PAMR1: variants seen among roughly 807,000 people sequenced by gnomAD.
PAMR1 encodes the protein inactive serine protease PAMR1.
In PAMR1, 88 loss-of-function variants were observed where a neutral mutation model predicts 81.8. The observed-to-expected ratio is 1.08, with a 90% CI of 0.91 to 1.28. The LOEUF is 1.28. PAMR1 is among the 50% of genes most tolerant of loss of function. PAMR1 has a pLI of 0.00. For missense variants in PAMR1, 935 were observed against 919.7 expected (o/e 1.02, Z -0.21); for synonymous variants, 336 against 345.3 (o/e 0.97, Z 0.30).
chr11:35,501,212 CCT>C (rs573508502), intron 1 of PAMR1, among the ~76,000 whole-genome samples: 72 of 150,990 alleles, frequency 4.8e-4, no homozygotes, highest in Non-Finnish European at 6.5e-4. Flanking sequence ...CTCAATGCAA[CCT>C]CTGTTTCCCA....
At chr11:35,446,315 A>AT (rs1475289726) in intron 6 of PAMR1, among the ~76,000 whole-genome samples, 2 of 152,020 alleles carry the variant, frequency 1.3e-5, no homozygotes, top group Non-Finnish European at 2.9e-5. Flanking sequence ...TTTTGGAAAG[A>AT]TTTTTTGTGT....
chr11:35,526,395 C>A (rs1011897240), upstream of PAMR1, among the ~76,000 whole-genome samples: 1 of 152,196 alleles, frequency 6.6e-6, no homozygotes, highest in African/African-American at 2.4e-5. Flanking sequence ...ACACAAGAAC[C>A]CTCACTGCCT....
At chr11:35,434,884 A>G in intron 9 of PAMR1, 80 bp from the exon 10 acceptor site, 1 of 1,397,658 alleles carries the variant, frequency 7.2e-7, no homozygotes, top group Admixed American at 1.8e-5. Context: ...ACCAGAGAGC[A>G]CAAATCTGGA....
chr11:35,505,859 T>C (rs551483984), intron 1 of PAMR1, among the ~76,000 whole-genome samples: 1 of 152,192 alleles, frequency 6.6e-6, no homozygotes, highest in East Asian at 1.9e-4. Context: ...TTTAGAGTTG[T>C]TATTGATAAG....
At chr11:35,477,026 C>A (rs904687883) in intron 3 of PAMR1, among the ~76,000 whole-genome samples, 1 of 152,138 alleles carries the variant, frequency 6.6e-6, no homozygotes, top group African/African-American at 2.4e-5. Context: ...AAGACTTCAT[C>A]TAAAAACATA....
chr11:35,528,745 C>T (rs896879384), upstream of PAMR1, among the ~76,000 whole-genome samples: 3 of 152,202 alleles, frequency 2.0e-5, no homozygotes, highest in African/African-American at 7.2e-5. Context: ...CAGGTCTTTA[C>T]TTCTCTAGGT....
In PAMR1 at chr11:35,492,540, A is replaced by C. The variant is rs566456824; in HGVS notation, c.251-367T>G. ...TTAGACCAGTAAAAAGAATTAAATA[A>C]AAAATATCTAAAACCCCATCACCCA... is the stretch of plus-strand genomic sequence containing the variant. On this transcript the variant is annotated intron_variant, in intron 2 of 10. Coordinates refer to ENST00000619888, the MANE Select transcript of PAMR1 (RefSeq NM_001001991.3). Among the ~76,000 whole-genome samples, 13 of 152,362 alleles carry C rather than the reference A, an allele frequency of 8.5e-5. No individual in the cohort carries two copies. In the East Asian group the frequency reaches 2.3e-3, roughly 27 times the overall value.
chr11:35,509,787 A>C (rs1851039469), intron 1 of PAMR1, among the ~76,000 whole-genome samples: 1 of 152,220 alleles, frequency 6.6e-6, no homozygotes, highest in African/African-American at 2.4e-5. Flanking sequence ...GGAGAGGGGC[A>C]GTGAACAAGC....
At chr11:35,529,391 T>C (rs1851433616), upstream of PAMR1, among the ~76,000 whole-genome samples, 1 of 152,168 alleles carries the variant, frequency 6.6e-6, no homozygotes, top group South Asian at 2.1e-4. Context: ...AATCATTGAG[T>C]CTAGGCTATA....
Position 35,436,305 on chromosome 11 carries a change from G to A in PAMR1, c.1101-170C>T, listed in dbSNP as rs994282551. Reference sequence around the variant, plus strand: ...TCTGTCTGTCTGCCTTTTGAGGCAGGGTCTCCCTCTGTCCCTCACTCCAGG... The same window carrying A: ...TCTGTCTGTCTGCCTTTTGAGGCAGAGTCTCCCTCTGTCCCTCACTCCAGG... On this transcript the variant is annotated intron_variant, in intron 8 of 10. Coordinates refer to ENST00000619888, the MANE Select transcript of PAMR1 (RefSeq NM_001001991.3). 1.1e-4 allele frequency: 68 copies of A among 591,612 alleles called. 3 individuals carry two copies. The highest frequency in any genetic ancestry group is 7.3e-4 in the South Asian group (36 of 49,160). 36.6% of individuals were successfully genotyped at this position (591,612 alleles called of 1,614,324 possible). A position where few individuals can be genotyped will look rare whatever the true frequency, so the allele number is the denominator to read the frequency against.
intron 2 of PAMR1, among the ~76,000 whole-genome samples, chr11:35,492,881 C>A (rs371617461): frequency 1.1e-3 from 167 of 152,286 alleles, no homozygotes; most frequent in African/African-American, 3.7e-3. Context: ...AGAAAAAGTA[C>A]AAATGATTCA....
rs190544066 is a variant in PAMR1 at position 35,476,899 on chromosome 11, C to T, written c.380-2155G>A. Among the ~76,000 whole-genome samples, 81 of 152,058 alleles carry T rather than the reference C, an allele frequency of 5.3e-4. 2 individuals are homozygous for T. Among genetic ancestry groups the T allele is most frequent in the Non-Finnish European group, 4.1e-4 (28 of 67,996 alleles). On this transcript the variant is annotated intron_variant, in intron 3 of 10. Coordinates refer to ENST00000619888, the MANE Select transcript of PAMR1 (RefSeq NM_001001991.3). ...ACAGCCTACTTTCTGTGCCCAACTC[C>T]GGCCCTTGTACTTGCTGTTTTCTAA... is the stretch of plus-strand genomic sequence containing the variant.
At chr11:35,474,932 A>C (rs1331362257) in intron 3 of PAMR1, among the ~76,000 whole-genome samples, 188 bp from the exon 4 acceptor site, 1 of 152,242 alleles carries the variant, frequency 6.6e-6, no homozygotes, top group Non-Finnish European at 1.5e-5. Context: ...AGATTAATTC[A>C]TTTAATCCAC....
chr11:35,486,340 T>C (rs77742315), intron 3 of PAMR1, among the ~76,000 whole-genome samples: 2 of 152,362 alleles, frequency 1.3e-5, no homozygotes, highest in East Asian at 3.9e-4. Context: ...TTCAATTTCA[T>C]AGCATTGACC....
At chr11:35,506,698 G>A (rs1049984348) in intron 1 of PAMR1, among the ~76,000 whole-genome samples, 5 of 151,426 alleles carry the variant, frequency 3.3e-5, no homozygotes, top group Non-Finnish European at 7.4e-5. Context: ...TCTTTTGTAT[G>A]TTATTTGCTT....
intron 1 of PAMR1, among the ~76,000 whole-genome samples, chr11:35,510,700 G>A (rs886595563): frequency 5.3e-5 from 8 of 152,058 alleles, no homozygotes; most frequent in Non-Finnish European, 1.0e-4. Flanking sequence ...TTGGTAATAT[G>A]TTTTATTTTA....
intron 3 of PAMR1, among the ~76,000 whole-genome samples, chr11:35,481,476 A>C (rs1209070289): frequency 6.6e-6 from 1 of 151,496 alleles, no homozygotes; most frequent in African/African-American, 2.4e-5. Flanking sequence ...GCTTTTTTTC[A>C]TATGTTTGTT....
At chr11:35,435,558 T>A (rs1016731517) in intron 9 of PAMR1, among the ~76,000 whole-genome samples, 24 of 152,106 alleles carry the variant, frequency 1.6e-4, no homozygotes, top group African/African-American at 5.6e-4. Context: ...CACTGGGTGA[T>A]GAGTGTAAAA....
At position 35,432,558 on chromosome 11, in the gene PAMR1, G is replaced by A. The variant is rs1266147337; in HGVS notation, c.1961C>T (p.Pro654Leu). 6.2e-7 allele frequency: 1 copy of A among 1,614,226 alleles called. No homozygotes were observed. Among genetic ancestry groups the A allele is most frequent in the Non-Finnish European group, 8.5e-7 (1 of 1,180,050 alleles). Residue 654 changes from proline (P) to leucine (L), a missense_variant, in exon 11 of 11, where the codon CCC becomes CTC. Transcript: ENST00000619888. ...TDNMFCASWEPTAPSDICTAE... is the reference protein window; with the variant it reads ...TDNMFCASWELTAPSDICTAE... Reference sequence around the variant, plus strand: ...AGTGCAGATATCAGAAGGGGCAGTGGGTTCCCAGCTGGCACAGAACATGTT... The same window carrying A: ...AGTGCAGATATCAGAAGGGGCAGTGAGTTCCCAGCTGGCACAGAACATGTT...
Sources: gnomAD v4.1 joint callset for allele counts (sites outside exome capture counted in the v4.1 genomes callset) on GRCh38, gnomAD v4.1.1 for gene constraint, MANE v1.5 for transcripts, NCBI Gene and HGNC (gene_info 2026-07-23, HGNC 2026-07-21) for gene names.